SHB: variants seen among roughly 807,000 people sequenced by gnomAD.
The protein encoded by SHB is SH2 domain-containing adapter protein B.
A neutral mutation model predicts 52.3 loss-of-function variants in SHB; 20 were observed. The ratio of observed to expected loss-of-function variants is 0.38; its 90% CI spans 0.27 to 0.56. The LOEUF (loss-of-function observed/expected upper bound fraction) is 0.56. Ranked by LOEUF, SHB falls within the 20% of genes least tolerant of loss-of-function variation. SHB has a pLI of 0.71. For missense variants in SHB, 825 were observed against 723.3 expected (o/e 1.14, Z -1.61); for synonymous variants, 397 against 316.5 (o/e 1.25, Z -2.70).
At chr9:37,936,764 C>CATT (rs1832376825) in intron 5 of SHB, 1 of 152,172 alleles carries the variant, frequency 6.6e-6, no homozygotes, top group Non-Finnish European at 1.5e-5. Flanking sequence ...AGAGCTGTAA[C>CATT]ATTTTATGCA....
chr9:37,980,719 A>G (rs1345611219), intron 2 of SHB, among the ~76,000 whole-genome samples: 1 of 152,220 alleles, frequency 6.6e-6, no homozygotes, highest in African/African-American at 2.4e-5. Context: ...TATGAGATGT[A>G]TTTCTTAAAT....
At chr9:37,970,498 G>A (rs894502053) in intron 3 of SHB, among the ~76,000 whole-genome samples, 1 of 152,000 alleles carries the variant, frequency 6.6e-6, no homozygotes, top group African/African-American at 2.4e-5. Context: ...GGTGGAGAAT[G>A]CTGAGGCAGT....
At chr9:38,002,490 C>T (rs1295508029) in intron 2 of SHB, among the ~76,000 whole-genome samples, 2 of 152,096 alleles carry the variant, frequency 1.3e-5, no homozygotes, top group Non-Finnish European at 2.9e-5. Context: ...AAGAGCACTA[C>T]CGAACCACGT....
intron 3 of SHB, among the ~76,000 whole-genome samples, chr9:37,973,581 A>C (rs1330423281): frequency 1.3e-5 from 2 of 152,260 alleles, no homozygotes; most frequent in Non-Finnish European, 2.9e-5. Flanking sequence ...TAGAATAAAA[A>C]GGTGTTAGCT....
chr9:37,946,023 G>A (rs1832486941), intron 5 of SHB, among the ~76,000 whole-genome samples: 1 of 152,174 alleles, frequency 6.6e-6, no homozygotes, highest in Admixed American at 6.5e-5. Context: ...AACAGGGGCA[G>A]GGTTATGGGA....
chr9:37,986,761 C>A lies in SHB; in HGVS notation c.839-11924G>T, dbSNP rs1445521668. ...ACGGGTGGCATCAGCATCCTCAGGC[C>A]AACCATGACAGGGCGGGCATCCCCG... is the stretch of plus-strand genomic sequence containing the variant. On this transcript the variant is annotated intron_variant, in intron 2 of 5. Coordinates refer to ENST00000377707, the MANE Select transcript of SHB (RefSeq NM_003028.3). Among the ~76,000 whole-genome samples, 3 of 152,202 alleles carry A rather than the reference C, an allele frequency of 2.0e-5. No individual in the cohort carries two copies. In the East Asian group the frequency reaches 5.8e-4, roughly 29 times the overall value.
At chr9:38,022,805 A>G (rs1158268913) in intron 1 of SHB, among the ~76,000 whole-genome samples, 2 of 152,244 alleles carry the variant, frequency 1.3e-5, no homozygotes, top group Non-Finnish European at 2.9e-5. Flanking sequence ...GAAGCCATAC[A>G]GACACAAGCC....
intron 1 of SHB, among the ~76,000 whole-genome samples, chr9:38,023,249 T>C (rs1359570392): frequency 6.6e-6 from 1 of 152,246 alleles, no homozygotes; most frequent in East Asian, 1.9e-4. Context: ...CTGGTTCTGC[T>C]ACACCCTTGC....
chr9:37,998,027 A>C (rs1820970812), intron 2 of SHB, among the ~76,000 whole-genome samples: 1 of 152,240 alleles, frequency 6.6e-6, no homozygotes. Context: ...GTGGCAGGAC[A>C]GCCCGTGTGA....
chr9:37,926,735 T>C (rs913170162), intron 5 of SHB, among the ~76,000 whole-genome samples: 71 of 152,372 alleles, frequency 4.7e-4, no homozygotes, highest in African/African-American at 1.6e-3. Context: ...GAGAGGGCCC[T>C]GCTATCTTAG....
intron 3 of SHB, among the ~76,000 whole-genome samples, chr9:37,968,368 TG>T (rs1377386425): frequency 6.6e-6 from 1 of 152,212 alleles, no homozygotes; most frequent in East Asian, 1.9e-4. Flanking sequence ...AGCCGGCATG[TG>T]AACTTGGGAC....
intron 4 of SHB, among the ~76,000 whole-genome samples, chr9:37,954,324 C>G (rs1472450660): frequency 6.6e-6 from 1 of 152,332 alleles, no homozygotes; most frequent in Non-Finnish European, 1.5e-5. Flanking sequence ...TATGCCCTGC[C>G]GGCCATGCCA....
At chr9:37,932,742 G>C (rs1036776554) in intron 5 of SHB, among the ~76,000 whole-genome samples, 3 of 152,084 alleles carry the variant, frequency 2.0e-5, no homozygotes, top group Non-Finnish European at 4.4e-5. Flanking sequence ...GCCACCCAAG[G>C]AGCTAGGACA....
At chr9:38,064,197 G>A (rs11793652) in intron 1 of SHB, among the ~76,000 whole-genome samples, 5 of 151,490 alleles carry the variant, frequency 3.3e-5, no homozygotes, top group African/African-American at 1.2e-4. Flanking sequence ...TCTCTCACCA[G>A]AACTACAACT....
chr9:37,944,224 G>A (rs1304648581), intron 5 of SHB, among the ~76,000 whole-genome samples: 1 of 152,208 alleles, frequency 6.6e-6, no homozygotes, highest in African/African-American at 2.4e-5. Flanking sequence ...GTCATGAGGT[G>A]TGCAGGCGCC....
At chr9:37,973,221 T>C (rs1164106815) in intron 3 of SHB, among the ~76,000 whole-genome samples, 1 of 152,184 alleles carries the variant, frequency 6.6e-6, no homozygotes, top group Non-Finnish European at 1.5e-5. Context: ...CAGTGCCTTT[T>C]CCGAATTTTT....
chr9:38,035,351 A>G (rs1821471316), intron 1 of SHB, among the ~76,000 whole-genome samples: 1 of 151,864 alleles, frequency 6.6e-6, no homozygotes, highest in Non-Finnish European at 1.5e-5. Flanking sequence ...AGCACTTGGC[A>G]AGGAGGACCT....
intron 2 of SHB, among the ~76,000 whole-genome samples, chr9:37,986,357 C>T (rs1820807050): frequency 6.6e-6 from 1 of 151,306 alleles, no homozygotes; most frequent in Non-Finnish European, 1.5e-5. Flanking sequence ...CTGCCTTAAG[C>T]CTAATGCTCA....
chr9:38,005,188 A>G (rs971442201), intron 2 of SHB, among the ~76,000 whole-genome samples: 5 of 152,312 alleles, frequency 3.3e-5, no homozygotes, highest in South Asian at 4.1e-4. Context: ...GGCAGTAGGA[A>G]AAGAGAGGCC....
Sources: gnomAD v4.1 joint callset for allele counts (sites outside exome capture counted in the v4.1 genomes callset) on GRCh38, gnomAD v4.1.1 for gene constraint, MANE v1.5 for transcripts, NCBI Gene and HGNC (gene_info 2026-07-23, HGNC 2026-07-21) for gene names.